RASGRF2: variants seen among roughly 807,000 people sequenced by gnomAD.
RASGRF2 encodes ras-specific guanine nucleotide-releasing factor 2.
RASGRF2 carries 76 observed loss-of-function variants against 151.0 expected under a neutral mutation model. That is an observed-to-expected ratio of 0.50 (90% CI 0.42 to 0.61). RASGRF2 has a LOEUF of 0.61. Ranked by LOEUF, RASGRF2 falls within the 20% of genes least tolerant of loss-of-function variation. RASGRF2 has a pLI of 0.00. For missense variants in RASGRF2, 1,148 were observed against 1,564.6 expected (o/e 0.73, Z 4.49); for synonymous variants, 504 against 566.5 (o/e 0.89, Z 1.57).
chr5:81,217,567 T>TTTA, intron 25 of RASGRF2, 94 bp downstream of exon 25: 1 of 832,528 alleles, frequency 1.2e-6, no homozygotes, highest in Non-Finnish European at 1.6e-6. Context: ...CTTTTTTTTT[T>TTTA]TCTCTTCTTT....
At chr5:81,215,824 CTT>C in intron 23 of RASGRF2, 50 bp from the exon 24 acceptor site, 2 of 1,457,342 alleles carry the variant, frequency 1.4e-6, no homozygotes, top group Non-Finnish European at 1.8e-6. Context: ...AATTCACTGT[CTT>C]TTTAAACCAT....
intron 9 of RASGRF2, 97 bp downstream of exon 9, chr5:81,087,050 G>A: frequency 8.7e-7 from 1 of 1,151,850 alleles, no homozygotes; most frequent in South Asian, 1.3e-5. Context: ...GGCGTGACGG[G>A]TGCGGTGCCC....
At chr5:81,049,421 G>A (rs1750939193) in intron 2 of RASGRF2, among the ~76,000 whole-genome samples, 2 of 152,046 alleles carry the variant, frequency 1.3e-5, no homozygotes, top group Admixed American at 1.3e-4. Flanking sequence ...TTTAACATTA[G>A]TTTATAGGGA....
chr5:81,165,830 G>C (rs1353537382), intron 17 of RASGRF2, among the ~76,000 whole-genome samples: 2 of 81,282 alleles, frequency 2.5e-5, no homozygotes, highest in African/African-American at 9.8e-5. Context: ...CTAGCCTGGA[G>C]CTAACTCGTC....
chr5:81,036,342 A>G (rs944596141), intron 1 of RASGRF2, among the ~76,000 whole-genome samples: 1 of 152,206 alleles, frequency 6.6e-6, no homozygotes, highest in African/African-American at 2.4e-5. Context: ...TGTATATATA[A>G]TTATATCAAT....
Position 80,960,699 on chromosome 5 carries a change from T to C in RASGRF2, c.-40T>C. 1.4e-6 allele frequency: 2 copies of C among 1,445,920 alleles called. No homozygotes were observed. Among genetic ancestry groups the C allele is most frequent in the South Asian group, 1.5e-5 (1 of 68,860 alleles). The allele number at this position is 1,445,920 out of a possible 1,614,324, so 89.6% of individuals were successfully genotyped here. ...CTGGGCCATGGCCGCGAGGCAGGGG[T>C]GAGACCGGCGGCCACCCGTGAGCCC... On this transcript the variant is annotated 5_prime_UTR_variant, in exon 1 of 27. An upstream open reading frame in the 5' UTR loses its in-frame stop. Transcript: ENST00000265080. This position sits in a 1 kb window ranked among gnomAD's most constrained non-coding sequence, Gnocchi z 5.5.
chr5:81,051,062 T>C lies in RASGRF2; in HGVS notation c.395+8079T>C, dbSNP rs184739929. ...TGTTTTGCTATCACTAATATCTGTCTATATTTACTATATAAATTATCATCT... is the reference window on the plus strand; with the variant it reads ...TGTTTTGCTATCACTAATATCTGTCCATATTTACTATATAAATTATCATCT... On this transcript the variant is annotated intron_variant, in intron 2 of 26. Transcript: ENST00000265080. Among the ~76,000 whole-genome samples, 454 of 152,352 alleles carry C rather than the reference T, an allele frequency of 3.0e-3. 3 individuals are homozygous for C. The highest frequency in any genetic ancestry group is 0.01 in the African/African-American group (433 of 41,584).
intron 1 of RASGRF2, among the ~76,000 whole-genome samples, chr5:81,032,867 G>A (rs1218338094): frequency 6.6e-6 from 1 of 152,186 alleles, no homozygotes; most frequent in Non-Finnish European, 1.5e-5. Context: ...GTCCCTGTTT[G>A]CAGATGACAT....
At chr5:81,125,614 G>T (rs1753430672) in intron 16 of RASGRF2, among the ~76,000 whole-genome samples, 1 of 152,108 alleles carries the variant, frequency 6.6e-6, no homozygotes, top group Admixed American at 6.5e-5. Context: ...AAGAGTTTGG[G>T]ACCAAAATCT....
At chr5:81,024,046 G>T (rs1006282466) in intron 1 of RASGRF2, among the ~76,000 whole-genome samples, 3 of 152,072 alleles carry the variant, frequency 2.0e-5, no homozygotes, top group African/African-American at 7.2e-5. Flanking sequence ...GCCTGAACTT[G>T]AGAGTTAAGA....
intron 3 of RASGRF2, among the ~76,000 whole-genome samples, chr5:81,068,390 C>CT (rs57789740): frequency 1.2e-3 from 175 of 142,622 alleles, no homozygotes; most frequent in African/African-American, 2.8e-3. Flanking sequence ...GGATAATGTG[C>CT]TTTTTTTTTT....
chr5:81,150,764 G>A (rs893991421), intron 17 of RASGRF2, among the ~76,000 whole-genome samples: 1 of 152,206 alleles, frequency 6.6e-6, no homozygotes, highest in African/African-American at 2.4e-5. Context: ...TACTAATGGT[G>A]TGGCATCCCA....
chr5:81,048,118 A>C (rs1750896443), intron 2 of RASGRF2, among the ~76,000 whole-genome samples: 1 of 152,230 alleles, frequency 6.6e-6, no homozygotes, highest in African/African-American at 2.4e-5. Flanking sequence ...AGAAAAGCTG[A>C]AAATGTTTCA....
At chr5:81,013,035 C>A (rs969567394) in intron 1 of RASGRF2, among the ~76,000 whole-genome samples, 2 of 152,118 alleles carry the variant, frequency 1.3e-5, no homozygotes, top group Non-Finnish European at 2.9e-5. Context: ...CATATAGGAG[C>A]AGGCCCCAAA....
intron 17 of RASGRF2, among the ~76,000 whole-genome samples, chr5:81,151,442 T>A (rs540423965): frequency 1.3e-5 from 2 of 149,528 alleles, no homozygotes; most frequent in East Asian, 4.0e-4. Context: ...TGGAGTGCAG[T>A]GGTATCATTT....
In RASGRF2 at chr5:81,198,685, C is replaced by T. The variant is rs1043974628; in HGVS notation, c.2794-2645C>T. On this transcript the variant is annotated intron_variant, in intron 18 of 26. Coordinates refer to ENST00000265080, the MANE Select transcript of RASGRF2 (RefSeq NM_006909.3). Reference sequence around the variant, plus strand: ...CGATCTCCTGACCTCATGATCCGCCCGCCTCAGCCTCCCAAAATGCTGGGA... The same window carrying T: ...CGATCTCCTGACCTCATGATCCGCCTGCCTCAGCCTCCCAAAATGCTGGGA... 1.1e-4 allele frequency among the ~76,000 whole-genome samples: 16 copies of T among 152,300 alleles called. No homozygotes were observed. The South Asian group carries it at 1.7e-3, about 16-fold the overall frequency.
intron 1 of RASGRF2, among the ~76,000 whole-genome samples, chr5:81,005,431 A>T (rs1749236535): frequency 6.6e-6 from 1 of 152,156 alleles, no homozygotes; most frequent in Admixed American, 6.5e-5. Flanking sequence ...CCATGATTCC[A>T]TTACCTCCCA....
chr5:80,996,112 T>C (rs1239364853), intron 1 of RASGRF2, among the ~76,000 whole-genome samples: 3 of 152,048 alleles, frequency 2.0e-5, no homozygotes, highest in African/African-American at 7.2e-5. Context: ...GTTAAATCAC[T>C]ATTTTTTATT....
At position 81,227,015 on chromosome 5, in the gene RASGRF2, T is replaced by C. The variant is rs1756014809; in HGVS notation, c.*1245T>C. ...CAGTTGTTGAAGAAATAGGGCTATC[T>C]CATTGTTTACCTCCCTCTTCTCTTC... On this transcript the variant is annotated 3_prime_UTR_variant, in exon 27 of 27. Transcript: ENST00000265080. The C allele has an allele frequency of 6.6e-6, 1 of 152,222 alleles. No homozygotes were observed. Among genetic ancestry groups the C allele is most frequent in the Non-Finnish European group, 1.5e-5 (1 of 68,040 alleles). 9.4% of individuals were successfully genotyped at this position (152,222 alleles called of 1,614,324 possible).
Sources: allele counts gnomAD v4.1 joint callset (sites outside exome capture counted in the v4.1 genomes callset), GRCh38; gene constraint gnomAD v4.1.1; non-coding constraint Gnocchi (gnomAD v3.1); transcripts MANE v1.5; gene names NCBI Gene and HGNC (gene_info 2026-07-23, HGNC 2026-07-21).